The following TMEM165 variants were observed in gnomAD, a reference collection of about 807,000 sequenced individuals.
TMEM165 encodes the protein transmembrane protein 165, also known as putative divalent cation/proton antiporter TMEM165.
A neutral mutation model predicts 30.0 loss-of-function variants in TMEM165; 19 were observed. The observed-to-expected ratio is 0.63, with a 90% confidence interval of 0.44 to 0.93. TMEM165 has a LOEUF of 0.93. TMEM165 is among the 40% of genes least tolerant of loss of function. The pLI, the probability that TMEM165 is intolerant of heterozygous loss-of-function variation, is 0.00. For missense variants in TMEM165, 340 were observed against 417.0 expected (o/e 0.82, Z 1.61); for synonymous variants, 168 against 162.9 (o/e 1.03, Z -0.24).
chr4:55,407,861 T>G (rs555419740), intron 1 of TMEM165, among the ~76,000 whole-genome samples: 33 of 152,356 alleles, frequency 2.2e-4, no homozygotes, highest in African/African-American at 7.9e-4. Flanking sequence ...TAAAGGGCTT[T>G]ATTCATTTAA....
Position 55,396,273 on chromosome 4 carries a change from G to A in TMEM165, c.84G>A (p.Pro28=). 6.6e-7 allele frequency: 1 copy of A among 1,521,604 alleles called. No individual in the cohort carries two copies. The highest frequency in any genetic ancestry group is 8.8e-7 in the Non-Finnish European group (1 of 1,140,892). The allele number at this position is 1,521,604 out of a possible 1,614,324, so 94.3% of individuals were successfully genotyped here. A position where few individuals can be genotyped will look rare whatever the true frequency, so the allele number is the denominator to read the frequency against. ...LLFLVPLLWA[P]AAVRAGPDED... ...TTCTGGTTCCGCTGCTGTGGGCCCC[G>A]GCTGCGGTCCGGGCCGGCCCAGATG... The change falls in exon 1 of 6, where the codon CCG becomes CCA. Residue 28 remains proline (P), a synonymous_variant. Transcript: ENST00000381334.
At chr4:55,426,538 T>TAACA (rs974934712), downstream of TMEM165, among the ~76,000 whole-genome samples, 1 of 152,234 alleles carries the variant, frequency 6.6e-6, no homozygotes, top group Non-Finnish European at 1.5e-5. Context: ...CCAAGTAGCA[T>TAACA]AACAGCTGCT....
chr4:55,410,504 G>A (rs2109539827), intron 1 of TMEM165, among the ~76,000 whole-genome samples: 4 of 152,228 alleles, frequency 2.6e-5, no homozygotes, highest in African/African-American at 9.6e-5. Context: ...CGCCTCCCAG[G>A]TTGAAGCAAT....
intron 1 of TMEM165, chr4:55,403,426 T>C (rs1721120027): frequency 6.7e-6 from 4 of 597,664 alleles, no homozygotes; most frequent in Non-Finnish European, 9.0e-6. Context: ...TTGATTTTCT[T>C]TTTCTTCCTT....
chr4:55,451,905 G>T (rs945378973), intron 3 of TMEM165, among the ~76,000 whole-genome samples: 11 of 152,130 alleles, frequency 7.2e-5, no homozygotes, highest in African/African-American at 1.9e-4. Flanking sequence ...CTAGATCCAT[G>T]CCGGGTAGAA....
intron 3 of TMEM165, chr4:55,444,757 A>T: frequency 1.9e-6 from 3 of 1,614,064 alleles, no homozygotes; most frequent in Non-Finnish European, 2.5e-6. Flanking sequence ...CAGATGTTGC[A>T]TGGCTCCTAA....
chr4:55,397,907 T>A (rs1407296088), intron 1 of TMEM165, among the ~76,000 whole-genome samples: 1 of 88,404 alleles, frequency 1.1e-5, no homozygotes, highest in Non-Finnish European at 2.6e-5. Context: ...CTAATTTTTG[T>A]TTATTTTTTT....
At chr4:55,418,686 A>G (rs1249810772) in intron 4 of TMEM165, among the ~76,000 whole-genome samples, 1 of 152,200 alleles carries the variant, frequency 6.6e-6, no homozygotes. Context: ...TGTAGCTCTT[A>G]GAATATTCAC....
rs371124857 is a variant in TMEM165 at position 55,412,393 on chromosome 4, C to CAAAAAAAAAAAA, written c.433+567_433+578dup. ...TGGGTGATAGAGTGAGACTCCATCT[C>CAAAAAAAAAAAA]AAAAAAAAAAAAAAAAAAAAAAAAG... On this transcript the variant is annotated intron_variant, in intron 2 of 5. Transcript: ENST00000381334. 6.1e-4 allele frequency among the ~76,000 whole-genome samples: 33 copies of CAAAAAAAAAAAA among 54,372 alleles called. 1 individual carries two copies. Among genetic ancestry groups the CAAAAAAAAAAAA allele is most frequent in the African/African-American group, 2.5e-3 (33 of 13,208 alleles). The allele number at this position is 54,372 out of a possible 152,430, so 35.7% of individuals were successfully genotyped here.
chr4:55,414,187 G>A (rs542760599), intron 2 of TMEM165, among the ~76,000 whole-genome samples: 5 of 151,676 alleles, frequency 3.3e-5, no homozygotes, highest in East Asian at 1.9e-4. Flanking sequence ...GGAGAATGGC[G>A]TCAACCCGGG....
intron 1 of TMEM165, among the ~76,000 whole-genome samples, chr4:55,402,872 A>T (rs1028018595): frequency 7.7e-6 from 1 of 129,562 alleles, no homozygotes; most frequent in Non-Finnish European, 1.5e-5. Flanking sequence ...GCTCACTGCA[A>T]GCTCTGCCTC....
intron 3 of TMEM165, among the ~76,000 whole-genome samples, chr4:55,448,597 CGCGCGTGTGTGTGT>C (rs374624898): frequency 4.1e-5 from 3 of 72,916 alleles, no homozygotes; most frequent in African/African-American, 6.8e-5. Context: ...CGCGCGCACG[CGCGCGTGTGTGTGT>C]GTGTGTGTGT....
At chr4:55,428,009 G>GTGA (rs1722307753), downstream of TMEM165, 1 of 152,154 alleles carries the variant, frequency 6.6e-6, no homozygotes, top group Non-Finnish European at 1.5e-5. Flanking sequence ...AGAAATGCAG[G>GTGA]TGATAACTGA....
At chr4:55,412,122 C>T in intron 2 of TMEM165, 1 of 432,006 alleles carries the variant, frequency 2.3e-6, no homozygotes. Context: ...GGGCTGGGCA[C>T]AGTCACTCAC....
intron 1 of TMEM165, chr4:55,403,450 T>C (rs1236017963): frequency 5.3e-6 from 2 of 378,892 alleles, no homozygotes; most frequent in Non-Finnish European, 7.6e-6. Flanking sequence ...TTGAGGATCA[T>C]GAAAGTATAA....
intron 4 of TMEM165, among the ~76,000 whole-genome samples, chr4:55,419,965 G>A (rs926989413): frequency 1.3e-4 from 20 of 150,536 alleles, no homozygotes; most frequent in Non-Finnish European, 2.2e-4. Context: ...GCGTGGTAGC[G>A]GGTGCCTGTA....
rs150519910 is a variant in TMEM165, at chr4:55,417,144, T to C, written c.506T>C (p.Ile169Thr). The change falls in exon 3 of 6, where the codon ATT (isoleucine) becomes ACT (threonine). Residue 169 changes from isoleucine to threonine, a missense_variant. Ile to Thr is a moderately conservative substitution (Grantham distance 89). Coordinates refer to ENST00000381334, the MANE Select transcript of TMEM165 (RefSeq NM_018475.5). ...TYYVSTVLFA[I>T]FGIRMLREGL... ...TATGTTTCAACTGTATTATTTGCCA[T>C]TTTTGGCATTAGAATGCTTCGGGAA... 38 of 1,613,778 alleles carry C rather than the reference T, an allele frequency of 2.4e-5. No individual in the cohort carries two copies. The highest frequency in any genetic ancestry group is 3.1e-5 in the Non-Finnish European group (36 of 1,179,924).
At chr4:55,429,190 AGTTT>A (rs948539644), downstream of TMEM165, 9 of 152,162 alleles carry the variant, frequency 5.9e-5, no homozygotes, top group Admixed American at 2.0e-4. Context: ...GCGATGTCAC[AGTTT>A]GTTTCCTAAG....
chr4:55,431,392 G>C, intron 3 of TMEM165: 1 of 152,166 alleles, frequency 6.6e-6, no homozygotes, highest in Middle Eastern at 3.2e-3. Flanking sequence ...TATAAAAATA[G>C]TCGATTCTAT....
Sources: allele counts gnomAD v4.1 joint callset (sites outside exome capture counted in the v4.1 genomes callset), GRCh38; gene constraint gnomAD v4.1.1; transcripts MANE v1.5; gene names NCBI Gene and HGNC (gene_info 2026-07-23, HGNC 2026-07-21).